The following MPP7 variants were observed in gnomAD, a reference collection of about 807,000 sequenced individuals.
The protein encoded by MPP7 is MAGUK p55 subfamily member 7.
A neutral mutation model predicts 76.5 loss-of-function variants in MPP7; 60 were observed. That is an observed-to-expected ratio of 0.78 (90% CI 0.64 to 0.97). The LOEUF (loss-of-function observed/expected upper bound fraction) is 0.97. Ranked by LOEUF, MPP7 falls within the 50% of genes least tolerant of loss-of-function variation. The pLI is 0.00. For synonymous variants in MPP7, 237 were observed against 244.5 expected, an observed-to-expected ratio of 0.97 and a Z score of 0.29; for missense variants, 641 against 694.0, an observed-to-expected ratio of 0.92 and a Z score of 0.86.
At chr10:28,316,435 TAAAAA>T (rs549621404) in intron 2 of MPP7, among the ~76,000 whole-genome samples, 688 of 37,026 alleles carry the variant, frequency 0.019, 14 homozygotes, top group East Asian at 0.079. Flanking sequence ...ACTCTGTCTT[TAAAAA>T]AAAAAAAAAA....
intron 3 of MPP7, among the ~76,000 whole-genome samples, chr10:28,172,670 T>TGAGCTATAGAAATTACACC (rs947367461): frequency 2.3e-4 from 35 of 152,334 alleles, no homozygotes; most frequent in African/African-American, 7.7e-4. Context: ...AAAGACTTTC[T>TGAGCTATAGAAATTACACC]GAGCTATAGA....
intron 2 of MPP7, among the ~76,000 whole-genome samples, chr10:28,230,801 G>A (rs984180804): frequency 3.0e-4 from 46 of 152,268 alleles, no homozygotes; most frequent in African/African-American, 1.1e-3. Flanking sequence ...GGGAGACAGA[G>A]CGAGAATCCA....
At chr10:28,186,985 A>G (rs1837259213) in intron 3 of MPP7, among the ~76,000 whole-genome samples, 2 of 152,184 alleles carry the variant, frequency 1.3e-5, no homozygotes, top group Non-Finnish European at 2.9e-5. Context: ...ATACATTCTA[A>G]TGAATGAACT....
intron 6 of MPP7, among the ~76,000 whole-genome samples, chr10:28,127,377 T>C (rs1835050352): frequency 6.6e-6 from 1 of 152,198 alleles, no homozygotes; most frequent in Non-Finnish European, 1.5e-5. Flanking sequence ...ATTACATACA[T>C]TATACAGTAT....
chr10:28,299,570 C>T (rs1841105793), intron 1 of MPP7, among the ~76,000 whole-genome samples: 1 of 152,072 alleles, frequency 6.6e-6, no homozygotes, highest in African/African-American at 2.4e-5. Context: ...CAAAATATGA[C>T]AGAGACACAC....
At chr10:28,131,157 T>G (rs1588824912) in intron 6 of MPP7, among the ~76,000 whole-genome samples, 1 of 152,224 alleles carries the variant, frequency 6.6e-6, no homozygotes, top group Admixed American at 6.5e-5. Context: ...TCACTGAGAC[T>G]TCTCAAAAGT....
intron 1 of MPP7, among the ~76,000 whole-genome samples, chr10:28,244,607 G>C (rs1839372630): frequency 6.6e-6 from 1 of 152,144 alleles, no homozygotes; most frequent in Non-Finnish European, 1.5e-5. Context: ...TCCACACATG[G>C]AAAGGGAAAT....
At chr10:28,286,623 C>A (rs944904824) in intron 1 of MPP7, among the ~76,000 whole-genome samples, 5 of 152,156 alleles carry the variant, frequency 3.3e-5, no homozygotes, top group African/African-American at 1.2e-4. Flanking sequence ...AGGCACCTTT[C>A]AGGACGTCCA....
At chr10:28,229,618 G>A (rs927325754) in intron 2 of MPP7, among the ~76,000 whole-genome samples, 5 of 152,098 alleles carry the variant, frequency 3.3e-5, no homozygotes, top group Admixed American at 6.6e-5. Flanking sequence ...GGCCAGGCAC[G>A]GTGGCTCATG....
chr10:28,324,869 C>T (rs1044333310), intron 2 of MPP7, among the ~76,000 whole-genome samples: 2 of 152,142 alleles, frequency 1.3e-5, no homozygotes, highest in African/African-American at 2.4e-5. Context: ...GTTGAAGAAG[C>T]TGAAGCATGG....
At chr10:28,291,712 A>G (rs1840925078) in intron 1 of MPP7, among the ~76,000 whole-genome samples, 4 of 152,236 alleles carry the variant, frequency 2.6e-5, no homozygotes, top group Admixed American at 2.6e-4. Flanking sequence ...CATTTTAAAA[A>G]ATTTTTTTAA....
intron 1 of MPP7, among the ~76,000 whole-genome samples, chr10:28,266,281 G>A (rs1840148215): frequency 6.6e-6 from 1 of 152,078 alleles, no homozygotes; most frequent in Non-Finnish European, 1.5e-5. Context: ...TTTCAGTTTA[G>A]AGGTTCAACA....
intron 3 of MPP7, among the ~76,000 whole-genome samples, chr10:28,173,435 C>T (rs1426213439): frequency 6.6e-6 from 1 of 152,070 alleles, no homozygotes; most frequent in Non-Finnish European, 1.5e-5. Context: ...TATTAACAAA[C>T]AAAAGAATCT....
At chr10:28,145,177 T>C (rs1298733201) in intron 5 of MPP7, among the ~76,000 whole-genome samples, 1 of 152,162 alleles carries the variant, frequency 6.6e-6, no homozygotes, top group Non-Finnish European at 1.5e-5. Flanking sequence ...CCTCCCAAAG[T>C]GCTGGGATTA....
Position 28,293,611 on chromosome 10 carries a change from A to G in MPP7, c.-132+9250T>C, listed in dbSNP as rs189944678. 4.6e-5 allele frequency among the ~76,000 whole-genome samples: 7 copies of G among 152,298 alleles called. No individual in the cohort carries two copies. In the East Asian group the frequency reaches 7.7e-4, roughly 17 times the overall value. Reference sequence around the variant, plus strand: ...AAGGTGGGAGACTCTACACGGACCAATCATGACAGTGTGCCATGAAGTGAG... The same window carrying G: ...AAGGTGGGAGACTCTACACGGACCAGTCATGACAGTGTGCCATGAAGTGAG... On this transcript the variant is annotated intron_variant, in intron 1 of 16. Coordinates refer to ENST00000683449, the MANE Select transcript of MPP7 (RefSeq NM_001318170.2).
At chr10:28,238,855 A>T in intron 1 of MPP7, 120 bp from the exon 2 acceptor site, 1 of 472,680 alleles carries the variant, frequency 2.1e-6, no homozygotes, top group Non-Finnish European at 3.7e-6. Context: ...ACTCTTCAGA[A>T]TTTTTTCTAC....
upstream of MPP7, among the ~76,000 whole-genome samples, chr10:28,304,561 A>C (rs1841236481): frequency 6.6e-6 from 1 of 152,194 alleles, no homozygotes; most frequent in South Asian, 2.1e-4. Flanking sequence ...ATTGCCTAAC[A>C]AAAAGAGTTT....
At chr10:28,063,884 A>G (rs1472209340) in intron 13 of MPP7, among the ~76,000 whole-genome samples, 1 of 152,232 alleles carries the variant, frequency 6.6e-6, no homozygotes, top group Non-Finnish European at 1.5e-5. Context: ...AAACTGAAGT[A>G]TGAGATACCA....
intron 1 of MPP7, among the ~76,000 whole-genome samples, chr10:28,260,379 A>G (rs1200952488): frequency 4.6e-5 from 7 of 152,164 alleles, no homozygotes; most frequent in Non-Finnish European, 8.8e-5. Context: ...CCTTATACCT[A>G]CAGACTATAA....
Sources: gnomAD v4.1 joint callset for allele counts (sites outside exome capture counted in the v4.1 genomes callset) on GRCh38, gnomAD v4.1.1 for gene constraint, MANE v1.5 for transcripts, NCBI Gene and HGNC (gene_info 2026-07-23, HGNC 2026-07-21) for gene names.